Variants in ASB3 observed in about 807,000 individuals in gnomAD.
ASB3 encodes ankyrin repeat and SOCS box protein 3.
ASB3 carries 41 observed loss-of-function variants against 54.5 expected under a neutral mutation model. The ratio of observed to expected loss-of-function variants is 0.75; its 90% CI spans 0.59 to 0.98. The LOEUF (loss-of-function observed/expected upper bound fraction) is 0.98. Among genes scored for constraint, ASB3 ranks in the 50% least tolerant of loss-of-function variants. The pLI is 0.00. For missense variants in ASB3, 733 were observed against 620.0 expected, an observed-to-expected ratio of 1.18 and a Z score of -1.94; for synonymous variants, 266 against 221.2, an observed-to-expected ratio of 1.20 and a Z score of -1.80.
At chr2:53,764,984 G>T (rs949200331) in intron 2 of ASB3, among the ~76,000 whole-genome samples, 3 of 152,196 alleles carry the variant, frequency 2.0e-5, no homozygotes, top group African/African-American at 7.2e-5. Flanking sequence ...ATTAAAAAGT[G>T]TTTAAAAAGA....
At chr2:53,733,030 A>G (rs1171300486) in intron 3 of ASB3, among the ~76,000 whole-genome samples, 3 of 152,242 alleles carry the variant, frequency 2.0e-5, no homozygotes, top group African/African-American at 7.2e-5. Flanking sequence ...GTATAAGAGC[A>G]TGTTTAGAAA....
chr2:53,711,301 T>G (rs1041393218), intron 7 of ASB3, among the ~76,000 whole-genome samples: 3 of 152,182 alleles, frequency 2.0e-5, no homozygotes, highest in East Asian at 3.8e-4. Context: ...TTTACCTGAT[T>G]CCTCTGACCA....
At chr2:53,691,640 C>T (rs1490121791) in intron 9 of ASB3, among the ~76,000 whole-genome samples, 2 of 151,954 alleles carry the variant, frequency 1.3e-5, no homozygotes, top group African/African-American at 2.4e-5. Flanking sequence ...CTCAAAATCC[C>T]GGTAAAGGAG....
In ASB3 at chr2:53,714,601, G is replaced by A. The variant is rs771523495; in HGVS notation, c.783-20C>T. On this transcript the variant is annotated intron_variant, in intron 6 of 9. Coordinates refer to ENST00000263634, the MANE Select transcript of ASB3 (RefSeq NM_016115.5). ...AAGATTCTATAAATACACAAATTCA[G>A]GAGAATTTAGTGTTTGTATATGTGC... The A allele has an allele frequency of 1.2e-6, 2 of 1,611,054 alleles. No individual in the cohort carries two copies. Among genetic ancestry groups the A allele is most frequent in the African/African-American group, 2.7e-5 (2 of 74,802 alleles).
chr2:53,716,775 A>G (rs2103846516), intron 5 of ASB3, 32 bp from the exon 6 acceptor site: 1 of 1,590,594 alleles, frequency 6.3e-7, no homozygotes, highest in East Asian at 2.3e-5. Context: ...TTTAACAGAT[A>G]ACCCTAATAC....
In ASB3 at chr2:53,767,650, C is replaced by T. The variant is rs969894010; in HGVS notation, c.-13-2065G>A. 9.3e-6 allele frequency: 5 copies of T among 535,632 alleles called. No individual in the cohort carries two copies. In the South Asian group the frequency reaches 1.1e-4, roughly 12 times the overall value. 33.2% of individuals were successfully genotyped at this position (535,632 alleles called of 1,614,324 possible). ...ACGGATGCTGCAAAAGAATCCATTG[C>T]TTACTACACCGAAGGTCAATGCCTC... On this transcript the variant is annotated intron_variant, in intron 1 of 9. Coordinates refer to ENST00000263634, the MANE Select transcript of ASB3 (RefSeq NM_016115.5).
intron 3 of ASB3, among the ~76,000 whole-genome samples, chr2:53,747,841 G>C (rs1014705827): frequency 6.6e-6 from 1 of 152,178 alleles, no homozygotes; most frequent in Non-Finnish European, 1.5e-5. Context: ...CTTCAGACAG[G>C]GTGGGCACAA....
chr2:53,688,003 T>C (rs1418673818), intron 9 of ASB3, among the ~76,000 whole-genome samples: 1 of 152,156 alleles, frequency 6.6e-6, no homozygotes, highest in East Asian at 1.9e-4. Context: ...TTTTATTTTG[T>C]AGAGATGGGG....
intron 1 of ASB3, 105 bp from the exon 2 acceptor site, chr2:53,765,690 G>C: frequency 7.6e-7 from 1 of 1,310,236 alleles, no homozygotes; most frequent in Non-Finnish European, 1.0e-6. Context: ...TCACATGACT[G>C]ACGAAGAAGG....
chr2:53,753,460 A>G (rs1439897821), intron 2 of ASB3, among the ~76,000 whole-genome samples: 2 of 152,174 alleles, frequency 1.3e-5, no homozygotes, highest in Admixed American at 1.3e-4. Context: ...AGACATCAGT[A>G]TGAATTCATG....
intron 4 of ASB3, among the ~76,000 whole-genome samples, chr2:53,729,199 T>C (rs988143467): frequency 2.0e-5 from 3 of 152,194 alleles, no homozygotes; most frequent in African/African-American, 2.4e-5. Flanking sequence ...TCAATTTATA[T>C]CTCAAATAAC....
At chr2:53,672,411 G>A (rs1187881582) in intron 9 of ASB3, among the ~76,000 whole-genome samples, 3 of 152,140 alleles carry the variant, frequency 2.0e-5, no homozygotes, top group Non-Finnish European at 4.4e-5. Flanking sequence ...GGAAGACACA[G>A]GTAAAGGGGC....
intron 9 of ASB3, among the ~76,000 whole-genome samples, chr2:53,681,683 G>A (rs553587465): frequency 2.6e-5 from 4 of 152,130 alleles, no homozygotes; most frequent in African/African-American, 7.2e-5. Context: ...TTCTGTATTT[G>A]TTTCTGGGTT....
At chr2:53,732,542 G>A (rs969749094) in intron 3 of ASB3, among the ~76,000 whole-genome samples, 2 of 152,202 alleles carry the variant, frequency 1.3e-5, no homozygotes, top group Middle Eastern at 3.4e-3. Context: ...AAGTTAGGCT[G>A]ACCTTATAAA....
At chr2:53,746,424 A>G (rs184906568) in intron 3 of ASB3, among the ~76,000 whole-genome samples, 187 of 152,026 alleles carry the variant, frequency 1.2e-3, no homozygotes, top group Admixed American at 0.01. Context: ...TATTTTTTCC[A>G]TACACAACAC....
chr2:53,695,589 G>C (rs771463292), intron 8 of ASB3, among the ~76,000 whole-genome samples: 3 of 151,846 alleles, frequency 2.0e-5, no homozygotes, highest in Non-Finnish European at 2.9e-5. Context: ...ACATATACAT[G>C]ACAAGTAAAT....
At chr2:53,721,048 G>T (rs974605829) in intron 5 of ASB3, among the ~76,000 whole-genome samples, 14 of 151,500 alleles carry the variant, frequency 9.2e-5, no homozygotes. Context: ...GAACCAGGAG[G>T]GGGAGGTTGC....
chr2:53,730,735 ATTC>A (rs1233668151), intron 3 of ASB3, among the ~76,000 whole-genome samples: 1 of 152,162 alleles, frequency 6.6e-6, no homozygotes, highest in Non-Finnish European at 1.5e-5. Context: ...AATACCAGCC[ATTC>A]TTACTGCTGT....
In ASB3 at chr2:53,715,583, A is replaced by T. The variant is rs1670342340; in HGVS notation, c.782+983T>A. Reference sequence around the variant, plus strand: ...AGTACAATATCTAACACTTATGTTTAAATAAATGATCAAGAATTGGGGAAA... The same window carrying T: ...AGTACAATATCTAACACTTATGTTTTAATAAATGATCAAGAATTGGGGAAA... On this transcript the variant is annotated intron_variant, in intron 6 of 9. Coordinates refer to ENST00000263634, the MANE Select transcript of ASB3 (RefSeq NM_016115.5). Among the ~76,000 whole-genome samples the T allele has an allele frequency of 2.0e-5, 3 of 152,312 alleles. No homozygotes were observed. In the South Asian group the frequency reaches 6.2e-4, roughly 32 times the overall value.
Sources: gnomAD v4.1 joint callset for allele counts (sites outside exome capture counted in the v4.1 genomes callset) on GRCh38, gnomAD v4.1.1 for gene constraint, MANE v1.5 for transcripts, NCBI Gene and HGNC (gene_info 2026-07-23, HGNC 2026-07-21) for gene names.